The following RNLS variants were observed in gnomAD, a reference collection of about 807,000 sequenced individuals.
RNLS encodes renalase, FAD dependent amine oxidase.
A neutral mutation model predicts 39.8 loss-of-function variants in RNLS; 39 were observed. That is an observed-to-expected ratio of 0.98 (90% confidence interval 0.76 to 1.28). RNLS has a LOEUF of 1.28. Ranked by LOEUF, RNLS falls within the 50% of genes most tolerant of loss-of-function variation. The pLI is 0.00. For synonymous variants in RNLS, 147 were observed against 150.7 expected, an observed-to-expected ratio of 0.98 and a Z score of 0.18; for missense variants, 410 against 413.3, an observed-to-expected ratio of 0.99 and a Z score of 0.07.
At chr10:88,200,898 G>A in the RNLS span, among the ~76,000 whole-genome samples, 1 of 152,088 alleles carries the variant, frequency 6.6e-6, no homozygotes, top group Non-Finnish European at 1.5e-5. Context: ...TAGAGCTACT[G>A]GCTACTCTTA....
chr10:88,503,318 T>C (rs993534470), intron 4 of RNLS, among the ~76,000 whole-genome samples: 1 of 152,122 alleles, frequency 6.6e-6, no homozygotes, highest in Non-Finnish European at 1.5e-5. Flanking sequence ...GAGGTAGAGA[T>C]TGCAGTGAGC....
chr10:88,456,668 A>C (rs1242037119), intron 4 of RNLS, among the ~76,000 whole-genome samples: 2 of 152,068 alleles, frequency 1.3e-5, no homozygotes, highest in African/African-American at 4.8e-5. Context: ...CCTGGAACTG[A>C]CCTTTGTGGG....
intron 5 of RNLS, among the ~76,000 whole-genome samples, chr10:88,333,201 C>T (rs977168426): frequency 6.6e-6 from 1 of 152,074 alleles, no homozygotes; most frequent in African/African-American, 2.4e-5. Context: ...TGGAACTTCT[C>T]GGTCCCTGAT....
the RNLS span, among the ~76,000 whole-genome samples, chr10:88,217,288 A>G: frequency 6.6e-6 from 1 of 152,222 alleles, no homozygotes; most frequent in Admixed American, 6.5e-5. Context: ...CAGACCACTC[A>G]GTTAATTAGA....
downstream of RNLS, among the ~76,000 whole-genome samples, chr10:88,270,042 A>C (rs1028725071): frequency 6.6e-6 from 1 of 152,098 alleles, no homozygotes; most frequent in South Asian, 2.1e-4. Context: ...CACTTGTCTA[A>C]CCAAACCCTT....
intron 4 of RNLS, among the ~76,000 whole-genome samples, chr10:88,446,345 G>A (rs1842035325): frequency 6.6e-6 from 1 of 152,112 alleles, no homozygotes; most frequent in African/African-American, 2.4e-5. Flanking sequence ...AGCACTAAAT[G>A]CCCACAAGAG....
At chr10:88,189,188 A>G in the RNLS span, among the ~76,000 whole-genome samples, 1 of 152,234 alleles carries the variant, frequency 6.6e-6, no homozygotes, top group Non-Finnish European at 1.5e-5. Context: ...GTGGGTATGT[A>G]TGCATAGATA....
chr10:88,292,655 T>C (rs917139372), intron 6 of RNLS, among the ~76,000 whole-genome samples: 1 of 151,722 alleles, frequency 6.6e-6, no homozygotes, highest in African/African-American at 2.4e-5. Flanking sequence ...TTCCTGCAGG[T>C]CATTTTAATA....
At chr10:88,446,610 C>A (rs1842050453) in intron 4 of RNLS, among the ~76,000 whole-genome samples, 1 of 151,844 alleles carries the variant, frequency 6.6e-6, no homozygotes, top group Non-Finnish European at 1.5e-5. Flanking sequence ...CAAATAGATG[C>A]AATAAAAATG....
intron 6 of RNLS, among the ~76,000 whole-genome samples, chr10:88,276,808 A>G (rs1184807494): frequency 1.3e-5 from 2 of 152,174 alleles, no homozygotes; most frequent in Non-Finnish European, 2.9e-5. Context: ...ACGAAATCCC[A>G]CTGTGATTTT....
the RNLS span, among the ~76,000 whole-genome samples, chr10:88,171,867 T>A: frequency 6.6e-6 from 1 of 152,208 alleles, no homozygotes; most frequent in Non-Finnish European, 1.5e-5. Flanking sequence ...CATCCTCTAA[T>A]AATTACAATT....
the RNLS span, among the ~76,000 whole-genome samples, chr10:88,196,366 C>T: frequency 6.6e-6 from 1 of 152,176 alleles, no homozygotes; most frequent in Admixed American, 6.5e-5. Context: ...TATTCTATTC[C>T]CTCTACATTA....
chr10:88,583,069 C>A lies in RNLS; in HGVS notation c.118+4G>T. On this transcript the variant is annotated splice_donor_region_variant and intron_variant, in intron 1 of 6. Coordinates refer to ENST00000331772, the MANE Select transcript of RNLS (RefSeq NM_001031709.3). ...TCCCAGGTTTTGGCGTTTAGACAAC[C>A]CACCTGAGTCCTCAGCCTTGTCCCA... is the stretch of plus-strand genomic sequence containing the variant. The A allele has an allele frequency of 6.2e-7, 1 of 1,609,902 alleles. No individual in the cohort carries two copies. Among genetic ancestry groups the A allele is most frequent in the Non-Finnish European group, 8.5e-7 (1 of 1,177,594 alleles).
At chr10:88,355,444 C>G (rs1401117138) in intron 5 of RNLS, among the ~76,000 whole-genome samples, 2 of 152,188 alleles carry the variant, frequency 1.3e-5, no homozygotes, top group East Asian at 3.8e-4. Context: ...TCAGGACCCT[C>G]AGCTGCAGGT....
At chr10:88,313,961 G>T (rs188214835) in intron 6 of RNLS, among the ~76,000 whole-genome samples, 3 of 152,268 alleles carry the variant, frequency 2.0e-5, no homozygotes, top group Admixed American at 1.3e-4. Flanking sequence ...TCAACTAGCT[G>T]TCCTATGCAG....
At chr10:88,342,463 A>G (rs917500047) in intron 5 of RNLS, among the ~76,000 whole-genome samples, 6 of 152,148 alleles carry the variant, frequency 3.9e-5, no homozygotes, top group African/African-American at 1.4e-4. Flanking sequence ...GATCTCATTA[A>G]TTCACTATTT....
chr10:88,442,596 C>T (rs1320581608), intron 4 of RNLS, among the ~76,000 whole-genome samples: 1 of 152,060 alleles, frequency 6.6e-6, no homozygotes, highest in East Asian at 1.9e-4. Context: ...GCTGACCACA[C>T]TTTTCTTACC....
intron 4 of RNLS, among the ~76,000 whole-genome samples, chr10:88,521,878 TC>T (rs1846763271): frequency 6.6e-6 from 1 of 152,050 alleles, no homozygotes; most frequent in Non-Finnish European, 1.5e-5. Flanking sequence ...AAAGTGAGGT[TC>T]AGATTTTAGC....
At chr10:88,306,472 C>T (rs1236694773) in intron 6 of RNLS, among the ~76,000 whole-genome samples, 1 of 151,928 alleles carries the variant, frequency 6.6e-6, no homozygotes, top group African/African-American at 2.4e-5. Flanking sequence ...TCCAAATAAA[C>T]ACAATACGAA....
Sources: gnomAD v4.1 joint callset for allele counts (sites outside exome capture counted in the v4.1 genomes callset) on GRCh38, gnomAD v4.1.1 for gene constraint, MANE v1.5 for transcripts, NCBI Gene and HGNC (gene_info 2026-07-23, HGNC 2026-07-21) for gene names.